The following FHIP2B variants were observed in gnomAD, a reference collection of about 807,000 sequenced individuals.
FHIP2B encodes FHF complex subunit HOOK interacting protein 2B, also known as FHF complex subunit HOOK-interacting protein 2B.
Under a neutral mutation model 84.0 loss-of-function variants are expected in FHIP2B, and 72 were observed. The observed-to-expected ratio is 0.86, with a 90% CI of 0.71 to 1.04. The LOEUF is 1.04. Ranked by LOEUF, FHIP2B falls within the 50% of genes least tolerant of loss-of-function variation. The pLI is 0.00. For synonymous variants in FHIP2B, 497 were observed against 418.7 expected (o/e 1.19, Z -2.28); for missense variants, 972 against 968.9 (o/e 1.00, Z -0.04).
At chr8:22,099,673 C>G in intron 9 of FHIP2B, 31 bp from the exon 10 acceptor site, 1 of 1,542,632 alleles carries the variant, frequency 6.5e-7, no homozygotes, top group Non-Finnish European at 8.7e-7. Context: ...CTGCACACAC[C>G]GGGCCTGGCT....
intron 2 of FHIP2B, chr8:22,095,598 T>G (rs1449917024): frequency 6.6e-6 from 1 of 152,260 alleles, no homozygotes; most frequent in African/African-American, 2.4e-5. Flanking sequence ...GCTTCCCCCA[T>G]CCAGCCCTTT....
chr8:22,096,740 C>T (rs561685527), intron 3 of FHIP2B: 30 of 526,736 alleles, frequency 5.7e-5, no homozygotes, highest in African/African-American at 7.9e-5. Flanking sequence ...GCAGTTCGGG[C>T]GAGAGGAGCA....
rs761005351 is a variant in FHIP2B, at chr8:22,098,236, G to A, written c.694G>A (p.Glu232Lys). The A allele has an allele frequency of 6.3e-7, 1 of 1,592,486 alleles. No individual in the cohort carries two copies. Among genetic ancestry groups the A allele is most frequent in the Non-Finnish European group, 8.5e-7 (1 of 1,170,126 alleles). The stretch of plus-strand genomic sequence containing the variant: ...GGCCTTGAACAGCCACATGCCTGCT[G>A]AGACCGAGGAGCTGGACGGTGGGAC... ...AQALNSHMPA[E>K]TEELDGGTTE... The change falls in exon 6 of 17, where the codon GAG becomes AAG. Residue 232 changes from glutamate to lysine, a missense_variant. Transcript: ENST00000289921.
rs1185045149 is a variant in FHIP2B, at chr8:22,101,764, T to C, written c.1764T>C (p.Pro588=). The C allele has an allele frequency of 6.2e-7, 1 of 1,613,168 alleles. No individual in the cohort carries two copies. The highest frequency in any genetic ancestry group is 2.2e-5 in the East Asian group (1 of 44,832). Residue 588 remains proline (P), a synonymous_variant, in exon 14 of 17, where the codon CCT becomes CCC. Transcript: ENST00000289921. ...ASWGWPLTPT[P]LDPHEPERPF... ...GGGGCTGGCCTCTGACCCCCACACC[T>C]TTGGACCCCCATGAGCCCGAGCGAC...
At chr8:22,091,053 C>T (rs1318572537) in intron 1 of FHIP2B, among the ~76,000 whole-genome samples, 6 of 152,152 alleles carry the variant, frequency 3.9e-5, no homozygotes, top group East Asian at 1.9e-4. Context: ...TATGTCCGGG[C>T]GGTGTGGTTG....
At chr8:22,094,040 C>T (rs535985310) in intron 1 of FHIP2B, among the ~76,000 whole-genome samples, 1 of 152,208 alleles carries the variant, frequency 6.6e-6, no homozygotes, top group East Asian at 1.9e-4. Flanking sequence ...CGATCTGTAT[C>T]ATTTTGCTTT....
chr8:22,099,708 G>A lies in FHIP2B; in HGVS notation c.1156G>A (p.Glu386Lys), dbSNP rs751235074. ...TAAGGTGCCCTCTTCCCGTAGGTCC[G>A]AGCAGAGCATCTTGACCTCCACCGC... ...TLQPQLLHVS[E>K]QSILTSTALL... is the part of the protein sequence containing the mutation. The change falls in exon 10 of 17, where the codon GAG becomes AAG. Residue 386 changes from glutamate to lysine, a missense_variant. Glu to Lys is a moderately conservative substitution (Grantham distance 56, BLOSUM62 1). Transcript: ENST00000289921. 1.5e-5 allele frequency: 23 copies of A among 1,584,940 alleles called. No homozygotes were observed. The highest frequency in any genetic ancestry group is 6.7e-5 in the East Asian group (3 of 44,460).
intron 12 of FHIP2B, 27 bp from the exon 13 acceptor site, chr8:22,101,413 G>A (rs375834526): frequency 7.0e-5 from 110 of 1,566,886 alleles, no homozygotes; most frequent in Non-Finnish European, 9.0e-5. Context: ...AGCCGGGAGC[G>A]CCTCCACACC....
chr8:22,100,479 C>G (rs1375410642), intron 10 of FHIP2B, 115 bp from the exon 11 acceptor site: 6 of 1,222,128 alleles, frequency 4.9e-6, no homozygotes, highest in Middle Eastern at 3.0e-4. Flanking sequence ...TAGCATCCAG[C>G]CAAGGGAGGT....
At chr8:22,100,310 G>C in intron 10 of FHIP2B, 1 of 406,852 alleles carries the variant, frequency 2.5e-6, no homozygotes, top group South Asian at 6.6e-5. Flanking sequence ...TGAGGTAGGC[G>C]AGGTTGATAC....
At chr8:22,097,190 G>A in intron 3 of FHIP2B, 1 of 408,028 alleles carries the variant, frequency 2.5e-6, no homozygotes, top group Non-Finnish European at 4.5e-6. Context: ...GAACAACGTG[G>A]CAAGGGAAGC....
At chr8:22,091,518 A>G (rs1563586966) in intron 1 of FHIP2B, among the ~76,000 whole-genome samples, 3 of 152,238 alleles carry the variant, frequency 2.0e-5, no homozygotes. Context: ...TGCTAGGATT[A>G]CAGGTGTGAG....
In FHIP2B at chr8:22,098,271, C is replaced by T; in HGVS notation, c.729C>T (p.Ser243=). The T allele has an allele frequency of 4.4e-6, 7 of 1,574,790 alleles. No homozygotes were observed. The highest frequency in any genetic ancestry group is 6.0e-6 in the Non-Finnish European group (7 of 1,160,108). ...TEELDGGTTE[S]NLITSLLGLC... The stretch of plus-strand genomic sequence containing the variant: ...AGCTGGACGGTGGGACCACAGAGAG[C>T]AACCTGATTACCTCCCTGCTTGGGC... Residue 243 remains serine, a synonymous_variant, in exon 6 of 17, where the codon AGC becomes AGT. Transcript: ENST00000289921.
In FHIP2B at chr8:22,103,797, A is replaced by C. The variant is rs1340369400; in HGVS notation, c.*866A>C. ...GAGCCAGGGAGCTCAGGGGACAGAT[A>C]AGGGAAGGACGCCCCCTGACTCCAG... On this transcript the variant is annotated 3_prime_UTR_variant, in exon 17 of 17. Coordinates refer to ENST00000289921, the MANE Select transcript of FHIP2B (RefSeq NM_022749.7). The C allele has an allele frequency of 3.9e-5, 6 of 152,452 alleles. No homozygotes were observed. Among genetic ancestry groups the C allele is most frequent in the African/African-American group, 1.4e-4 (6 of 41,448 alleles). 9.4% of individuals were successfully genotyped at this position (152,452 alleles called of 1,614,324 possible).
Position 22,098,261 on chromosome 8 carries a change from C to A in FHIP2B, c.719C>A (p.Thr240Asn). The change falls in exon 6 of 17, where the codon ACC (threonine) becomes AAC (asparagine). Residue 240 changes from threonine (T) to asparagine (N), a missense_variant. Transcript: ENST00000289921. ...GAGACCGAGGAGCTGGACGGTGGGA[C>A]CACAGAGAGCAACCTGATTACCTCC... ...PAETEELDGG[T>N]TESNLITSLL... 1 of 1,590,628 alleles carries A rather than the reference C, an allele frequency of 6.3e-7. No homozygotes were observed. Among genetic ancestry groups the A allele is most frequent in the Non-Finnish European group, 8.6e-7 (1 of 1,169,154 alleles).
At position 22,101,710 on chromosome 8, in the gene FHIP2B, C is replaced by T; in HGVS notation, c.1710C>T (p.Phe570=). The change falls in exon 14 of 17, where the codon TTC becomes TTT. Residue 570 remains phenylalanine (F), a splice_region_variant and synonymous_variant. Coordinates refer to ENST00000289921, the MANE Select transcript of FHIP2B (RefSeq NM_022749.7). The part of the protein sequence containing the change: ...DTYVHDAYGL[F]QECSSRVASW... ...CTCTACTTTCCCGCCTGTCTCAGTTCCAGGAGTGCAGCTCCCGCGTCGCCT... is the reference window on the plus strand; with the variant it reads ...CTCTACTTTCCCGCCTGTCTCAGTTTCAGGAGTGCAGCTCCCGCGTCGCCT... The T allele has an allele frequency of 6.2e-7, 1 of 1,610,130 alleles. No homozygotes were observed. Among genetic ancestry groups the T allele is most frequent in the Non-Finnish European group, 8.5e-7 (1 of 1,177,890 alleles).
In FHIP2B at chr8:22,103,056, C is replaced by A; in HGVS notation, c.*125C>A. 1 of 1,269,698 alleles carries A rather than the reference C, an allele frequency of 7.9e-7. No homozygotes were observed. The highest frequency in any genetic ancestry group is 1.5e-5 in the South Asian group (1 of 65,964). The allele number at this position is 1,269,698 out of a possible 1,614,324, so 78.7% of individuals were successfully genotyped here. A position where few individuals can be genotyped will look rare whatever the true frequency, so the allele number is the denominator to read the frequency against. Reference sequence around the variant, plus strand: ...CTGCTCCCGGGCTCACTCAAGGAGACTGCGGCATGTTGACCACACCAGACT... The same window carrying A: ...CTGCTCCCGGGCTCACTCAAGGAGAATGCGGCATGTTGACCACACCAGACT... On this transcript the variant is annotated 3_prime_UTR_variant, in exon 17 of 17. Transcript: ENST00000289921.
Position 22,097,432 on chromosome 8 carries a change from C to T in FHIP2B, c.298-84C>T, listed in dbSNP as rs185134030. On this transcript the variant is annotated intron_variant, in intron 3 of 16. Transcript: ENST00000289921. ...AGGCAGGGGACACGGCTCTGACAGG[C>T]GCTCTGTCCCTGGCCTCAGTACCCG... is the stretch of plus-strand genomic sequence containing the variant. 4.9e-4 allele frequency: 534 copies of T among 1,084,240 alleles called. 2 individuals carry two copies. In the East Asian group the frequency reaches 0.013, roughly 27 times the overall value. 67.2% of individuals were successfully genotyped at this position (1,084,240 alleles called of 1,614,324 possible). A position where few individuals can be genotyped will look rare whatever the true frequency, so the allele number is the denominator to read the frequency against.
At chr8:22,093,711 T>TTTTTTTC (rs1825617812) in intron 1 of FHIP2B, among the ~76,000 whole-genome samples, 1 of 57,848 alleles carries the variant, frequency 1.7e-5, no homozygotes, top group African/African-American at 4.8e-5. Context: ...GCTTTGTCTT[T>TTTTTTTC]TTTTTTTTTT....
Sources: allele counts gnomAD v4.1 joint callset (sites outside exome capture counted in the v4.1 genomes callset), GRCh38; gene constraint gnomAD v4.1.1; transcripts MANE v1.5; gene names NCBI Gene and HGNC (gene_info 2026-07-23, HGNC 2026-07-21).